The following CHN2 variants were observed in gnomAD, a reference collection of about 807,000 sequenced individuals.
CHN2 encodes the protein chimerin 2.
Under a neutral mutation model 56.3 loss-of-function variants are expected in CHN2, and 35 were observed. The ratio of observed to expected loss-of-function variants is 0.62; its 90% CI spans 0.47 to 0.82. The LOEUF (loss-of-function observed/expected upper bound fraction) is 0.82, where lower values mean the gene tolerates loss of function less well. Ranked by LOEUF, CHN2 falls within the 40% of genes least tolerant of loss-of-function variation. The pLI is 0.00. For missense variants in CHN2, 491 were observed against 580.5 expected (o/e 0.85, Z 1.58); for synonymous variants, 210 against 212.8 (o/e 0.99, Z 0.12).
At chr7:29,284,261 A>C (rs1791967989) in intron 1 of CHN2, among the ~76,000 whole-genome samples, 1 of 151,668 alleles carries the variant, frequency 6.6e-6, no homozygotes, top group Non-Finnish European at 1.5e-5. Context: ...ATGCTTGGAT[A>C]ATTTTTGTTT....
At chr7:29,256,022 G>GAGC (rs1184339069) in intron 1 of CHN2, among the ~76,000 whole-genome samples, 1 of 152,200 alleles carries the variant, frequency 6.6e-6, no homozygotes, top group Non-Finnish European at 1.5e-5. Flanking sequence ...CTGACAGCCA[G>GAGC]AGCAGACATT....
intron 1 of CHN2, among the ~76,000 whole-genome samples, chr7:29,252,590 T>TGTTTTGTTTTGTTTTGTTTTG (rs1554378158): frequency 3.1e-5 from 1 of 31,956 alleles, no homozygotes; most frequent in East Asian, 8.5e-4. Flanking sequence ...TTTTTTTTTT[T>TGTTTTGTTTTGTTTTGTTTTG]TTTTTTTTTT....
chr7:29,323,724 G>A (rs369563777), intron 1 of CHN2, among the ~76,000 whole-genome samples: 3 of 151,948 alleles, frequency 2.0e-5, no homozygotes, highest in Non-Finnish European at 4.4e-5. Context: ...GAGGCTGGGC[G>A]CGGTGGCTCA....
chr7:29,418,891 C>T (rs1562592199), intron 6 of CHN2, among the ~76,000 whole-genome samples: 1 of 152,184 alleles, frequency 6.6e-6, no homozygotes. Flanking sequence ...TCTGGTAGCT[C>T]TGCCAGTCTA....
intron 2 of CHN2, among the ~76,000 whole-genome samples, chr7:29,365,516 A>G (rs922059524): frequency 5.3e-5 from 8 of 152,210 alleles, no homozygotes; most frequent in Admixed American, 5.2e-4. Flanking sequence ...GAGAGATGTC[A>G]AGAAAGACTC....
intron 1 of CHN2, among the ~76,000 whole-genome samples, chr7:29,232,828 GT>G (rs755825181): frequency 6.6e-6 from 1 of 152,142 alleles, no homozygotes; most frequent in Non-Finnish European, 1.5e-5. Context: ...GAAAACTTCA[GT>G]TATTTTTGTG....
chr7:29,353,807 G>GC (rs1798080011), intron 1 of CHN2, among the ~76,000 whole-genome samples: 1 of 152,208 alleles, frequency 6.6e-6, no homozygotes, highest in South Asian at 2.1e-4. Context: ...TCTGTAGTTT[G>GC]GAAAAAAAGG....
At chr7:29,295,660 A>G (rs1793092307) in intron 1 of CHN2, among the ~76,000 whole-genome samples, 1 of 152,174 alleles carries the variant, frequency 6.6e-6, no homozygotes, top group Non-Finnish European at 1.5e-5. Context: ...TTTTCTACCA[A>G]TGTTTTCATC....
At chr7:29,190,925 C>T (rs1425801484), upstream of CHN2, among the ~76,000 whole-genome samples, 1 of 151,894 alleles carries the variant, frequency 6.6e-6, no homozygotes, top group Non-Finnish European at 1.5e-5. Flanking sequence ...AAGGATCCTG[C>T]CCCCACCATG....
At chr7:29,282,120 T>C (rs942165814) in intron 1 of CHN2, among the ~76,000 whole-genome samples, 17 of 152,258 alleles carry the variant, frequency 1.1e-4, no homozygotes, top group Admixed American at 1.0e-3. Context: ...CATTTGTCCA[T>C]ACAAGCTGTG....
At chr7:29,322,832 G>T (rs776027333) in intron 1 of CHN2, among the ~76,000 whole-genome samples, 1 of 152,152 alleles carries the variant, frequency 6.6e-6, no homozygotes, top group South Asian at 2.1e-4. Context: ...AATGGGGAAC[G>T]ACCTACCTCC....
At chr7:29,488,920 C>A (rs575914352) in intron 7 of CHN2, among the ~76,000 whole-genome samples, 1 of 152,302 alleles carries the variant, frequency 6.6e-6, no homozygotes, top group South Asian at 2.1e-4. Flanking sequence ...CAAAAATTCT[C>A]AACTGCAGCA....
At chr7:29,417,550 G>A (rs1050535081) in intron 6 of CHN2, among the ~76,000 whole-genome samples, 3 of 152,094 alleles carry the variant, frequency 2.0e-5, no homozygotes, top group African/African-American at 7.2e-5. Context: ...TTAGCCAAAA[G>A]TAGAGAAAGA....
At chr7:29,227,060 T>C (rs1345802321) in intron 1 of CHN2, among the ~76,000 whole-genome samples, 1 of 152,186 alleles carries the variant, frequency 6.6e-6, no homozygotes, top group Non-Finnish European at 1.5e-5. Context: ...CATGATGCTG[T>C]CATTTTGTTA....
intron 2 of CHN2, among the ~76,000 whole-genome samples, chr7:29,148,166 C>T (rs1403407): frequency 0.095 from 14,511 of 152,140 alleles, 1,565 homozygotes; most frequent in African/African-American, 0.24. Flanking sequence ...AGGCTCAGTG[C>T]CATTTGGGGA....
chr7:29,382,637 A>AGGAGCTCACATTG (rs1450924358), intron 3 of CHN2, among the ~76,000 whole-genome samples: 2 of 152,216 alleles, frequency 1.3e-5, no homozygotes, highest in Non-Finnish European at 2.9e-5. Context: ...CCTTCCCTCA[A>AGGAGCTCACATTG]GGAGCTCACA....
chr7:29,157,065 G>T (rs760863866), intron 2 of CHN2, among the ~76,000 whole-genome samples: 21 of 152,122 alleles, frequency 1.4e-4, no homozygotes, highest in African/African-American at 4.8e-4. Context: ...CAGCCTCCTA[G>T]CTGCACCGAC....
At chr7:29,471,986 A>G (rs1277773555) in intron 6 of CHN2, among the ~76,000 whole-genome samples, 1 of 152,278 alleles carries the variant, frequency 6.6e-6, no homozygotes, top group East Asian at 1.9e-4. Flanking sequence ...AGAATATAAC[A>G]AACAGGGCAA....
intron 5 of CHN2, chr7:29,400,291 G>A (rs565236260): frequency 3.1e-4 from 166 of 531,230 alleles, no homozygotes; most frequent in African/African-American, 2.8e-3. Flanking sequence ...CCTCTGCCTC[G>A]TTCCAGTCAT....
Sources: gnomAD v4.1 joint callset for allele counts (sites outside exome capture counted in the v4.1 genomes callset) on GRCh38, gnomAD v4.1.1 for gene constraint, MANE v1.5 for transcripts, NCBI Gene and HGNC (gene_info 2026-07-23, HGNC 2026-07-21) for gene names.